ATP10B: variants seen among roughly 807,000 people sequenced by gnomAD.
ATP10B encodes the protein phospholipid-transporting ATPase VB.
In ATP10B, 122 loss-of-function variants were observed where a neutral mutation model predicts 141.2. The observed-to-expected ratio is 0.86, with a 90% CI of 0.75 to 1.00. The LOEUF (loss-of-function observed/expected upper bound fraction) is 1.00. Among genes scored for constraint, ATP10B ranks in the 50% least tolerant of loss-of-function variants. ATP10B has a pLI of 0.00. For synonymous variants in ATP10B, 685 were observed against 692.0 expected (o/e 0.99, Z 0.16); for missense variants, 1,876 against 1,825.3 (o/e 1.03, Z -0.51).
intron 2 of ATP10B, among the ~76,000 whole-genome samples, chr5:160,721,989 T>C (rs913045572): frequency 6.6e-6 from 1 of 152,202 alleles, no homozygotes; most frequent in African/African-American, 2.4e-5. Context: ...CTCAATTACC[T>C]TCTTTGTGTG....
At chr5:160,802,784 T>C (rs556253788) in intron 1 of ATP10B, among the ~76,000 whole-genome samples, 1 of 152,336 alleles carries the variant, frequency 6.6e-6, no homozygotes, top group Non-Finnish European at 1.5e-5. Context: ...CAACCGCTGC[T>C]GTGTCAGGAT....
the ATP10B span, among the ~76,000 whole-genome samples, chr5:160,915,623 C>T: frequency 4.6e-5 from 7 of 152,160 alleles, no homozygotes; most frequent in African/African-American, 1.4e-4. Context: ...TGAGCCACAG[C>T]GCCCGGCCCC....
the ATP10B span, among the ~76,000 whole-genome samples, chr5:160,862,612 T>C: frequency 1.3e-5 from 2 of 151,952 alleles, no homozygotes; most frequent in African/African-American, 2.4e-5. Context: ...TGGCTTAACA[T>C]AATAATTATG....
intron 13 of ATP10B, among the ~76,000 whole-genome samples, chr5:160,631,155 G>A (rs6556508): frequency 0.84 from 127,114 of 152,226 alleles, 53,237 homozygotes; most frequent in Middle Eastern, 0.85. Flanking sequence ...GTAGCCCTTT[G>A]GGTCCCATCT....
intron 3 of ATP10B, among the ~76,000 whole-genome samples, chr5:160,716,150 A>T (rs749916564): frequency 1.1e-4 from 17 of 152,202 alleles, no homozygotes; most frequent in Non-Finnish European, 2.2e-4. Context: ...TCATTCAGTA[A>T]ATGTCAAAAA....
At chr5:160,595,033 C>T (rs972673447) in intron 22 of ATP10B, among the ~76,000 whole-genome samples, 2 of 151,766 alleles carry the variant, frequency 1.3e-5, no homozygotes, top group Non-Finnish European at 2.9e-5. Flanking sequence ...CAGCTCTGCA[C>T]CAAGCAGACC....
At chr5:160,647,850 A>G (rs1760405759) in intron 8 of ATP10B, among the ~76,000 whole-genome samples, 1 of 152,050 alleles carries the variant, frequency 6.6e-6, no homozygotes, top group Admixed American at 6.6e-5. Context: ...TATAAAAGCT[A>G]TGGTTTCTCT....
At chr5:160,622,905 G>A (rs1758429871) in intron 13 of ATP10B, among the ~76,000 whole-genome samples, 1 of 152,056 alleles carries the variant, frequency 6.6e-6, no homozygotes, top group Non-Finnish European at 1.5e-5. Context: ...TAATACTGTT[G>A]CCTCTCACCT....
rs1464745962 is a variant in ATP10B at position 160,607,081 on chromosome 5, G to A, written c.2844C>T (p.Thr948=). 1 of 1,611,432 alleles carries A rather than the reference G, an allele frequency of 6.2e-7. No homozygotes were observed. Among genetic ancestry groups the A allele is most frequent in the East Asian group, 2.2e-5 (1 of 44,820 alleles). ...ATGCACAATTGAGGATGGATTCACA[G>A]GTCTCCTATAAAGAAGCATAATAAT... ...VYTINTENQE[T]CESILNCALE... Residue 948 remains threonine (T), a synonymous_variant, in exon 19 of 26, where the codon ACC becomes ACT. Transcript: ENST00000327245.
At chr5:160,909,283 C>CTG in the ATP10B span, among the ~76,000 whole-genome samples, 32 of 152,062 alleles carry the variant, frequency 2.1e-4, no homozygotes, top group Non-Finnish European at 3.4e-4. Flanking sequence ...ACAGCCAATG[C>CTG]TGTGTGTGTG....
At chr5:160,793,937 C>T (rs980407436) in intron 1 of ATP10B, among the ~76,000 whole-genome samples, 7 of 152,180 alleles carry the variant, frequency 4.6e-5, no homozygotes, top group East Asian at 3.8e-4. Context: ...AGGAGCACTA[C>T]GCTGTACTAT....
At chr5:160,565,943 G>T in intron 25 of ATP10B, 43 bp from the exon 26 acceptor site, 1 of 1,527,334 alleles carries the variant, frequency 6.5e-7, no homozygotes, top group South Asian at 1.3e-5. Context: ...GATTTCCACT[G>T]ACTTCATAAA....
chr5:160,882,937 G>T, the ATP10B span, among the ~76,000 whole-genome samples: 1 of 151,932 alleles, frequency 6.6e-6, no homozygotes. Context: ...AATAGAATTG[G>T]TTGGTCTGCC....
chr5:160,876,961 G>A, the ATP10B span, among the ~76,000 whole-genome samples: 4 of 142,856 alleles, frequency 2.8e-5, no homozygotes, highest in South Asian at 9.3e-4. Flanking sequence ...GAGGTACAAG[G>A]AAGAACTGGT....
chr5:160,750,030 TTTCATGGGCAGG>T (rs1341537367), intron 2 of ATP10B, among the ~76,000 whole-genome samples: 1 of 152,196 alleles, frequency 6.6e-6, no homozygotes, highest in Non-Finnish European at 1.5e-5. Context: ...ACCTCCAAAC[TTTCATGGGCAGG>T]TAGCAGTAAT....
the ATP10B span, among the ~76,000 whole-genome samples, chr5:160,874,826 T>A: frequency 6.8e-6 from 1 of 146,186 alleles, no homozygotes; most frequent in Non-Finnish European, 1.5e-5. Context: ...AGAAGGGAAG[T>A]TTAGAGAAAA....
chr5:160,666,095 A>T (rs1269415440), intron 7 of ATP10B, among the ~76,000 whole-genome samples: 1 of 152,152 alleles, frequency 6.6e-6, no homozygotes, highest in Non-Finnish European at 1.5e-5. Flanking sequence ...AAGAACTAGT[A>T]TATAGTAAAA....
At chr5:160,923,063 T>C in the ATP10B span, among the ~76,000 whole-genome samples, 18 of 152,168 alleles carry the variant, frequency 1.2e-4, no homozygotes, top group Admixed American at 1.0e-3. Context: ...TGTCTTTCTG[T>C]GATGTGGAGA....
At position 160,670,552 on chromosome 5, in the gene ATP10B, G is replaced by A; in HGVS notation, c.586C>T (p.Pro196Ser). The A allele has an allele frequency of 2.5e-6, 4 of 1,613,866 alleles. No individual in the cohort carries two copies. The highest frequency in any genetic ancestry group is 3.4e-6 in the Non-Finnish European group (4 of 1,179,938). ...ADILLLFSSD[P>S]NGICHLETAS... ...GTTTCCAGATGGCATATCCCATTGG[G>A]GTCAGAGGAAAAAAGGAGGAGTATG... Residue 196 changes from proline (P) to serine (S), a missense_variant, in exon 7 of 26, where the codon CCC becomes TCC. Physicochemically the swap from Pro to Ser is moderately conservative, Grantham distance 74. Transcript: ENST00000327245.
Sources: allele counts gnomAD v4.1 joint callset (sites outside exome capture counted in the v4.1 genomes callset), GRCh38; gene constraint gnomAD v4.1.1; transcripts MANE v1.5; gene names NCBI Gene and HGNC (gene_info 2026-07-23, HGNC 2026-07-21).